The following FNBP1L variants were observed in gnomAD, a reference collection of about 807,000 sequenced individuals.
FNBP1L encodes formin binding protein 1 like.
In FNBP1L, 36 loss-of-function variants were observed where a neutral mutation model predicts 91.2. The ratio of observed to expected loss-of-function variants is 0.39; its 90% CI spans 0.30 to 0.52. The LOEUF is 0.52. Among genes scored for constraint, FNBP1L ranks in the 20% least tolerant of loss-of-function variants. The pLI, the probability that FNBP1L is intolerant of heterozygous loss-of-function variation, is 0.66. For synonymous variants in FNBP1L, 242 were observed against 237.0 expected (o/e 1.02, Z -0.19); for missense variants, 571 against 732.1 (o/e 0.78, Z 2.54).
intron 4 of FNBP1L, among the ~76,000 whole-genome samples, chr1:93,523,845 G>A (rs1671415420): frequency 6.6e-6 from 1 of 152,136 alleles, no homozygotes; most frequent in Non-Finnish European, 1.5e-5. Flanking sequence ...AATTTTATTG[G>A]AACAGACCCA....
At chr1:93,478,261 TGAG>T (rs1669565181) in intron 1 of FNBP1L, among the ~76,000 whole-genome samples, 1 of 152,014 alleles carries the variant, frequency 6.6e-6, no homozygotes, top group East Asian at 1.9e-4. Context: ...ACCTGGGTCT[TGAG>T]GAGTGTAGGA....
Position 93,530,890 on chromosome 1 carries a change from C to A in FNBP1L, c.639+7C>A, listed in dbSNP as rs755914740. 1 of 1,524,754 alleles carries A rather than the reference C, an allele frequency of 6.6e-7. No individual in the cohort carries two copies. The highest frequency in any genetic ancestry group is 8.8e-7 in the Non-Finnish European group (1 of 1,130,986). 94.5% of individuals were successfully genotyped at this position (1,524,754 alleles called of 1,614,324 possible). A position where few individuals can be genotyped will look rare whatever the true frequency, so the allele number is the denominator to read the frequency against. On this transcript the variant is annotated splice_region_variant and intron_variant, in intron 7 of 16. Coordinates refer to ENST00000271234, the MANE Select transcript of FNBP1L (RefSeq NM_001164473.3). ...GATTCCTCAGATTTACAAGGTAAAT[C>A]TTAGATATGAAGTTAATCTAGTTTT... is the stretch of plus-strand genomic sequence containing the variant.
intron 5 of FNBP1L, among the ~76,000 whole-genome samples, chr1:93,527,460 A>C (rs1169278597): frequency 2.0e-5 from 3 of 152,124 alleles, no homozygotes; most frequent in Non-Finnish European, 4.4e-5. Flanking sequence ...TGGTTCGATA[A>C]AGGAGGTTAG....
At chr1:93,465,783 T>C (rs1315520154) in intron 1 of FNBP1L, among the ~76,000 whole-genome samples, 2 of 152,204 alleles carry the variant, frequency 1.3e-5, no homozygotes, top group Non-Finnish European at 2.9e-5. Flanking sequence ...CGCCACACTG[T>C]CTTCCACAAT....
chr1:93,538,149 T>A (rs1048188296), intron 10 of FNBP1L, among the ~76,000 whole-genome samples: 4 of 152,108 alleles, frequency 2.6e-5, no homozygotes, highest in Non-Finnish European at 4.4e-5. Context: ...ATAGTCATAT[T>A]TTCCACATGT....
chr1:93,521,095 A>T (rs1205116642), intron 2 of FNBP1L, among the ~76,000 whole-genome samples: 4 of 151,972 alleles, frequency 2.6e-5, no homozygotes, highest in African/African-American at 9.7e-5. Context: ...AAACCAGCCA[A>T]CCAGGATTCA....
chr1:93,537,307 C>T lies in FNBP1L; in HGVS notation c.1149+817C>T, dbSNP rs530312133. ...AGATGAGAAATCAGTCTTTCAATGT[C>T]GTAAGAAGCCTAACAATAATAATCT... On this transcript the variant is annotated intron_variant, in intron 10 of 16. Coordinates refer to ENST00000271234, the MANE Select transcript of FNBP1L (RefSeq NM_001164473.3). Among the ~76,000 whole-genome samples, 9 of 152,150 alleles carry T rather than the reference C, an allele frequency of 5.9e-5. No individual in the cohort carries two copies. The South Asian group carries it at 8.3e-4, about 14-fold the overall frequency.
At chr1:93,511,860 G>A (rs1351586283) in intron 2 of FNBP1L, among the ~76,000 whole-genome samples, 3 of 150,246 alleles carry the variant, frequency 2.0e-5, no homozygotes, top group Non-Finnish European at 4.5e-5. Context: ...CAGCTACTTG[G>A]GAGGCTGAGG....
chr1:93,521,157 A>C (rs1671309692), intron 2 of FNBP1L, among the ~76,000 whole-genome samples: 1 of 152,156 alleles, frequency 6.6e-6, no homozygotes, highest in Non-Finnish European at 1.5e-5. Flanking sequence ...TCTCTTTCTG[A>C]TTTTGAAAAG....
chr1:93,521,236 C>T (rs779756821), intron 2 of FNBP1L, among the ~76,000 whole-genome samples: 7 of 152,050 alleles, frequency 4.6e-5, no homozygotes, highest in Non-Finnish European at 2.9e-5. Flanking sequence ...AAAACAGTTA[C>T]AAGTCAGAAT....
Position 93,554,613 on chromosome 1 carries a change from T to C in FNBP1L, c.*2197T>C, listed in dbSNP as rs1464894340. The stretch of plus-strand genomic sequence containing the variant: ...TCCTTCATTTAAAGATAGTGTTCTC[T>C]GTTGAGAATATTTACATGGAATAAA... On this transcript the variant is annotated 3_prime_UTR_variant, in exon 17 of 17. Coordinates refer to ENST00000271234, the MANE Select transcript of FNBP1L (RefSeq NM_001164473.3). 1.3e-5 allele frequency: 2 copies of C among 152,640 alleles called. No homozygotes were observed. The highest frequency in any genetic ancestry group is 4.8e-5 in the African/African-American group (2 of 41,456). 9.5% of individuals were successfully genotyped at this position (152,640 alleles called of 1,614,324 possible).
intron 2 of FNBP1L, among the ~76,000 whole-genome samples, chr1:93,503,058 A>G (rs1451239892): frequency 6.6e-6 from 1 of 151,922 alleles, no homozygotes; most frequent in Admixed American, 6.6e-5. Flanking sequence ...TTTCATAGTG[A>G]GGCAGCACTT....
At chr1:93,461,034 C>T (rs1445680633) in intron 1 of FNBP1L, among the ~76,000 whole-genome samples, 3 of 151,496 alleles carry the variant, frequency 2.0e-5, no homozygotes, top group East Asian at 3.9e-4. Flanking sequence ...TTTTCTTTGT[C>T]GGTTTTGGTT....
At chr1:93,493,823 G>C (rs1323744855) in intron 1 of FNBP1L, among the ~76,000 whole-genome samples, 2 of 152,104 alleles carry the variant, frequency 1.3e-5, no homozygotes, top group Non-Finnish European at 2.9e-5. Context: ...TGGGTTACTG[G>C]AAAGTCTCTT....
intron 1 of FNBP1L, among the ~76,000 whole-genome samples, chr1:93,464,046 C>A (rs1003994951): frequency 2.0e-5 from 3 of 152,132 alleles, no homozygotes; most frequent in African/African-American, 7.2e-5. Flanking sequence ...ACTTCATACC[C>A]ATAAGGGTGG....
intron 1 of FNBP1L, among the ~76,000 whole-genome samples, chr1:93,465,845 C>T (rs1415003563): frequency 2.6e-5 from 4 of 152,196 alleles, no homozygotes; most frequent in Admixed American, 2.6e-4. Context: ...TCCTATTTCT[C>T]CACATCCTCT....
At chr1:93,517,471 C>T (rs1039563484) in intron 2 of FNBP1L, among the ~76,000 whole-genome samples, 4 of 152,102 alleles carry the variant, frequency 2.6e-5, no homozygotes, top group South Asian at 2.1e-4. Context: ...AGATTGCAGG[C>T]GTGAGACACC....
chr1:93,487,161 C>T (rs1669938966), intron 1 of FNBP1L, among the ~76,000 whole-genome samples: 1 of 152,192 alleles, frequency 6.6e-6, no homozygotes, highest in Non-Finnish European at 1.5e-5. Context: ...TAGCACCTGA[C>T]AAAGTGGAAC....
intron 12 of FNBP1L, among the ~76,000 whole-genome samples, chr1:93,545,610 G>GGT (rs1463980576): frequency 6.6e-6 from 1 of 151,948 alleles, no homozygotes; most frequent in East Asian, 1.9e-4. Context: ...TGAGAGAAGG[G>GGT]GTAACATTAT....
Sources: gnomAD v4.1 joint callset for allele counts (sites outside exome capture counted in the v4.1 genomes callset) on GRCh38, gnomAD v4.1.1 for gene constraint, MANE v1.5 for transcripts, NCBI Gene and HGNC (gene_info 2026-07-23, HGNC 2026-07-21) for gene names.